ZNF33A: variants seen among roughly 807,000 people sequenced by gnomAD.
ZNF33A encodes the protein brain my041 protein.
ZNF33A carries 9 observed loss-of-function variants against 15.9 expected under a neutral mutation model. That is an observed-to-expected ratio of 0.57 (90% CI 0.34 to 0.99). ZNF33A has a LOEUF of 0.99. Among genes scored for constraint, ZNF33A ranks in the 50% least tolerant of loss-of-function variants. ZNF33A has a pLI of 0.02. For synonymous variants in ZNF33A, 294 were observed against 324.2 expected (o/e 0.91, Z 1.00); for missense variants, 843 against 941.6 (o/e 0.90, Z 1.37).
intron 4 of ZNF33A, among the ~76,000 whole-genome samples, chr10:38,026,761 T>C (rs1042585434): frequency 1.2e-4 from 18 of 152,238 alleles, no homozygotes; most frequent in African/African-American, 4.1e-4. Context: ...TCTCACTTTA[T>C]TTTCTTGTGG....
chr10:38,019,639 C>A (rs2064646831), intron 4 of ZNF33A, among the ~76,000 whole-genome samples: 1 of 152,158 alleles, frequency 6.6e-6, no homozygotes, highest in Non-Finnish European at 1.5e-5. Context: ...TCTTTTGAAA[C>A]TATCTTCATG....
chr10:38,021,920 A>G (rs185583762), intron 4 of ZNF33A, among the ~76,000 whole-genome samples: 31 of 152,338 alleles, frequency 2.0e-4, no homozygotes, highest in Admixed American at 1.7e-3. Flanking sequence ...CTCAAATTCA[A>G]TAGTAGAAAT....
Position 38,056,242 on chromosome 10 carries a change from A to G in ZNF33A, c.2118A>G (p.Ser706=), listed in dbSNP as rs1452416443. The part of the protein sequence containing the change: ...NECGKFFRHK[S]SLTVHHRAHT... ...GTGGGAAATTCTTCAGGCACAAATC[A>G]TCACTCACAGTACATCACAGGGCTC... The change falls in exon 5 of 5, where the codon TCA becomes TCG. Residue 706 remains serine, a synonymous_variant. Coordinates refer to ENST00000432900, the MANE Select transcript of ZNF33A (RefSeq NM_006954.2). 5.6e-6 allele frequency: 9 copies of G among 1,614,154 alleles called. No individual in the cohort carries two copies. Among genetic ancestry groups the G allele is most frequent in the African/African-American group, 1.3e-5 (1 of 75,052 alleles).
chr10:38,054,551 G>A lies in ZNF33A; in HGVS notation c.427G>A (p.Asp143Asn), dbSNP rs780975491. ...TTCCAGAAAAATGTTCTGTCAGTGT[G>A]ATTCATGTGGAATGAGTTTCAACAC... is the stretch of plus-strand genomic sequence containing the variant. ...FPSRKMFCQC[D>N]SCGMSFNTVS... The change falls in exon 5 of 5, where the codon GAT becomes AAT. Residue 143 changes from aspartate to asparagine, a missense_variant. Transcript: ENST00000432900. The A allele has an allele frequency of 7.4e-6, 12 of 1,612,172 alleles. No homozygotes were observed. In the Admixed American group the frequency reaches 1.2e-4, roughly 16 times the overall value.
At chr10:38,063,002 C>CAAA (rs373779802), downstream of ZNF33A, among the ~76,000 whole-genome samples, 214 of 44,076 alleles carry the variant, frequency 4.9e-3, 3 homozygotes, top group Non-Finnish European at 5.5e-3. Context: ...GACTCCATCT[C>CAAA]AAAAAAAAAA....
At position 38,055,841 on chromosome 10, in the gene ZNF33A, A is replaced by G. The variant is rs1374071801; in HGVS notation, c.1717A>G (p.Arg573Gly). Residue 573 changes from arginine to glycine, a missense_variant, in exon 5 of 5, where the codon AGA becomes GGA. Physicochemically the swap from Arg to Gly is moderately radical, Grantham distance 125 (BLOSUM62 -2). Coordinates refer to ENST00000432900, the MANE Select transcript of ZNF33A (RefSeq NM_006954.2). ...TAAGTCAACCCTCTCTCAACATTAT[A>G]GAACACACACAGGGGAGAAACCCTA... ...SHKSTLSQHY[R>G]THTGEKPYEC... The G allele has an allele frequency of 1.9e-6, 3 of 1,614,144 alleles. No individual in the cohort carries two copies. The highest frequency in any genetic ancestry group is 1.6e-4 in the Middle Eastern group (1 of 6,062).
At chr10:38,023,556 G>A (rs1350799924) in intron 4 of ZNF33A, among the ~76,000 whole-genome samples, 1 of 152,174 alleles carries the variant, frequency 6.6e-6, no homozygotes, top group Admixed American at 6.5e-5. Flanking sequence ...TTGACAAAAT[G>A]CAATATCCAT....
intron 4 of ZNF33A, among the ~76,000 whole-genome samples, chr10:38,020,189 TA>T (rs1294022774): frequency 3.9e-5 from 6 of 152,200 alleles, no homozygotes; most frequent in Non-Finnish European, 5.9e-5. Flanking sequence ...AATTAAAATA[TA>T]AACTGATAGA....
At position 38,058,042 on chromosome 10, in the gene ZNF33A, A is replaced by T; in HGVS notation, c.*1482A>T. On this transcript the variant is annotated 3_prime_UTR_variant, in exon 5 of 5. Coordinates refer to ENST00000432900, the MANE Select transcript of ZNF33A (RefSeq NM_006954.2). ...GATCAGATCATACAAATAATCTAAG[A>T]TTATACAGTCTAGTGATCCTAGATT... is the stretch of plus-strand genomic sequence containing the variant. 2.0e-6 allele frequency: 2 copies of T among 984,960 alleles called. No individual in the cohort carries two copies. The highest frequency in any genetic ancestry group is 9.4e-5 in the South Asian group (2 of 21,282). The allele number at this position is 984,960 out of a possible 1,614,324, so 61.0% of individuals were successfully genotyped here.
Position 38,057,039 on chromosome 10 carries a change from A to G in ZNF33A, c.*479A>G, listed in dbSNP as rs1048878999. ...TAATGTATAATCATAGTATATGGTC[A>G]AGTCCAAGAAATCGATGTTACCTTG... On this transcript the variant is annotated 3_prime_UTR_variant, in exon 5 of 5. Transcript: ENST00000432900. 5.7e-5 allele frequency: 40 copies of G among 703,146 alleles called. No individual in the cohort carries two copies. Among genetic ancestry groups the G allele is most frequent in the Non-Finnish European group, 6.7e-5 (38 of 571,206 alleles). The allele number at this position is 703,146 out of a possible 1,614,324, so 43.6% of individuals were successfully genotyped here.
In ZNF33A at chr10:38,017,582, C is replaced by T. The variant is rs547286630; in HGVS notation, c.250+196C>T. The stretch of plus-strand genomic sequence containing the variant: ...CACAAAAAATTCCTCCTTTTTGAAT[C>T]GTTTTTTGAATGTTTACTATTCTTA... On this transcript the variant is annotated intron_variant, in intron 4 of 4. Coordinates refer to ENST00000432900, the MANE Select transcript of ZNF33A (RefSeq NM_006954.2). 2.4e-5 allele frequency: 10 copies of T among 416,874 alleles called. No individual in the cohort carries two copies. The East Asian group carries it at 3.3e-4, about 14-fold the overall frequency. The allele number at this position is 416,874 out of a possible 1,614,324, so 25.8% of individuals were successfully genotyped here.
Position 38,017,368 on chromosome 10 carries a change from C to T in ZNF33A, c.232C>T (p.Pro78Ser). ...EEPWKQEEEF[P>S]SQSFPEVWTA... is the part of the protein sequence containing the mutation. Reference sequence around the variant, plus strand: ...GCCATGGAAACAGGAGGAAGAATTCCCAAGCCAAAGCTTTCCAGGTGAGTT... The same window carrying T: ...GCCATGGAAACAGGAGGAAGAATTCTCAAGCCAAAGCTTTCCAGGTGAGTT... The change falls in exon 4 of 5, where the codon CCA (proline) becomes TCA (serine). Residue 78 changes from proline to serine, a missense_variant. Physicochemically the swap from Pro to Ser is moderately conservative, Grantham distance 74. Transcript: ENST00000432900. 6.2e-7 allele frequency: 1 copy of T among 1,613,788 alleles called. No individual in the cohort carries two copies.
intron 4 of ZNF33A, among the ~76,000 whole-genome samples, chr10:38,026,336 A>ATAGT (rs2135594389): frequency 6.6e-6 from 1 of 151,880 alleles, no homozygotes; most frequent in Admixed American, 6.6e-5. Flanking sequence ...AGATAGATAG[A>ATAGT]TAGATAATTT....
chr10:38,044,007 T>G (rs1364089907), intron 4 of ZNF33A: 1 of 152,176 alleles, frequency 6.6e-6, no homozygotes, highest in Non-Finnish European at 1.5e-5. Flanking sequence ...TTTTTTCTGC[T>G]ACTTGATATT....
rs185692824 is a variant in ZNF33A, at chr10:38,024,660, A to G, written c.250+7274A>G. Among the ~76,000 whole-genome samples, 18 of 152,386 alleles carry G rather than the reference A, an allele frequency of 1.2e-4. 1 individual carries two copies. The highest frequency in any genetic ancestry group is 9.1e-4 in the Admixed American group (14 of 15,308). On this transcript the variant is annotated intron_variant, in intron 4 of 4. Transcript: ENST00000432900. ...AAGAATAGTAGGAATTATTGTATCC[A>G]GTGTTAAGGCTTATTACATTAGTCT...
intron 4 of ZNF33A, among the ~76,000 whole-genome samples, chr10:38,050,737 C>T (rs1487858625): frequency 6.6e-6 from 1 of 152,206 alleles, no homozygotes; most frequent in Non-Finnish European, 1.5e-5. Context: ...TTGCTTGTCT[C>T]TCCCCTGAGC....
chr10:38,060,273 C>T (rs954687831), downstream of ZNF33A, among the ~76,000 whole-genome samples: 1 of 152,150 alleles, frequency 6.6e-6, no homozygotes, highest in Non-Finnish European at 1.5e-5. Context: ...AACCTCATTT[C>T]CATCCCCACT....
intron 4 of ZNF33A, among the ~76,000 whole-genome samples, chr10:38,053,476 T>G (rs1006284398): frequency 1.3e-5 from 2 of 152,306 alleles, no homozygotes; most frequent in Non-Finnish European, 2.9e-5. Flanking sequence ...TGACCTCATT[T>G]AACCTTAGTT....
At chr10:38,044,700 C>T (rs955948117) in intron 4 of ZNF33A, among the ~76,000 whole-genome samples, 1 of 151,444 alleles carries the variant, frequency 6.6e-6, no homozygotes, top group Non-Finnish European at 1.5e-5. Context: ...GACAGTCTCG[C>T]TCTGTCACCC....
Sources: gnomAD v4.1 joint callset for allele counts (sites outside exome capture counted in the v4.1 genomes callset) on GRCh38, gnomAD v4.1.1 for gene constraint, MANE v1.5 for transcripts, NCBI Gene and HGNC (gene_info 2026-07-23, HGNC 2026-07-21) for gene names.